Variants in TRAPPC8 observed in about 807,000 individuals in gnomAD.
The protein encoded by TRAPPC8 is general sporulation gene 1 homolog.
TRAPPC8 carries 54 observed loss-of-function variants against 174.3 expected under a neutral mutation model. The ratio of observed to expected loss-of-function variants is 0.31; its 90% CI spans 0.25 to 0.39. TRAPPC8 has a LOEUF of 0.39. TRAPPC8 is among the 10% of genes least tolerant of loss of function. TRAPPC8 has a pLI of 1.00. For missense variants in TRAPPC8, 1,531 were observed against 1,699.1 expected (o/e 0.90, Z 1.74); for synonymous variants, 630 against 579.9 (o/e 1.09, Z -1.24).
chr18:31,858,968 CTGTGG>C (rs2034180577), intron 19 of TRAPPC8, among the ~76,000 whole-genome samples: 1 of 152,076 alleles, frequency 6.6e-6, no homozygotes. Flanking sequence ...AGCCGCACGC[CTGTGG>C]TTCCAGCTAC....
intron 11 of TRAPPC8, among the ~76,000 whole-genome samples, chr18:31,896,985 G>A (rs536148698): frequency 6.6e-6 from 1 of 152,264 alleles, no homozygotes; most frequent in African/African-American, 2.4e-5. Context: ...GAAAGGTCAG[G>A]GTTGAAGACA....
chr18:31,853,051 CTA>C (rs970493814), intron 22 of TRAPPC8, among the ~76,000 whole-genome samples: 3 of 152,170 alleles, frequency 2.0e-5, no homozygotes, highest in Non-Finnish European at 2.9e-5. Context: ...ACACACTCTG[CTA>C]TATGTTTTCC....
intron 19 of TRAPPC8, 112 bp downstream of exon 19, chr18:31,864,515 T>A (rs2034492930): frequency 1.0e-6 from 1 of 995,424 alleles, no homozygotes; most frequent in Non-Finnish European, 1.4e-6. Context: ...AATAATAATT[T>A]AAAAGTATAG....
At position 31,874,723 on chromosome 18, in the gene TRAPPC8, A is replaced by G; in HGVS notation, c.1729-19T>C. The G allele has an allele frequency of 2.5e-6, 4 of 1,602,704 alleles. No individual in the cohort carries two copies. Among genetic ancestry groups the G allele is most frequent in the Non-Finnish European group, 3.4e-6 (4 of 1,175,726 alleles). On this transcript the variant is annotated intron_variant, in intron 12 of 28. Coordinates refer to ENST00000283351, the MANE Select transcript of TRAPPC8 (RefSeq NM_014939.5). ...GCTTTTTCTGTAAGAAAATAAACAAAATAATGTATTATACTCCAAATTTGT... is the reference window on the plus strand; with the variant it reads ...GCTTTTTCTGTAAGAAAATAAACAAGATAATGTATTATACTCCAAATTTGT...
rs760498067 is a variant in TRAPPC8 at position 31,897,789 on chromosome 18, A to G, written c.1593T>C (p.Ser531=). Residue 531 remains serine, a synonymous_variant, in exon 11 of 29, where the codon AGT becomes AGC. Coordinates refer to ENST00000283351, the MANE Select transcript of TRAPPC8 (RefSeq NM_014939.5). ...EAAALLIRLT[S]EDSDLRSALL... ...AAATACTACACAGTTTCAGTACCTC[A>G]CTGGTCAACCGTATTAGGAGAGCTG... 1 of 1,593,138 alleles carries G rather than the reference A, an allele frequency of 6.3e-7. No homozygotes were observed. Among genetic ancestry groups the G allele is most frequent in the Admixed American group, 1.7e-5 (1 of 58,012 alleles).
chr18:31,917,200 T>C (rs1214605940), intron 3 of TRAPPC8, among the ~76,000 whole-genome samples: 3 of 152,080 alleles, frequency 2.0e-5, no homozygotes, highest in African/African-American at 7.2e-5. Flanking sequence ...TCCAAAATTA[T>C]TTTTCATGAG....
chr18:31,853,822 A>G, intron 22 of TRAPPC8, 27 bp downstream of exon 22: 1 of 1,550,500 alleles, frequency 6.4e-7, no homozygotes, highest in East Asian at 2.3e-5. Flanking sequence ...TTCAAAATTT[A>G]TTATGTAGCA....
chr18:31,839,519 AGCATAGTGTATATATAC>A, intron 26 of TRAPPC8, 62 bp from the exon 27 acceptor site: 6 of 1,388,656 alleles, frequency 4.3e-6, no homozygotes, highest in African/African-American at 1.5e-5. Flanking sequence ...AAAAAAAAAA[AGCATAGTGTATATATAC>A]AAAAGTTAAA....
In TRAPPC8 at chr18:31,922,907, C is replaced by T. The variant is rs572706135; in HGVS notation, c.353-5240G>A. 2.6e-5 allele frequency among the ~76,000 whole-genome samples: 4 copies of T among 152,074 alleles called. No individual in the cohort carries two copies. The East Asian group carries it at 5.8e-4, about 22-fold the overall frequency. Reference sequence around the variant, plus strand: ...TAGCCCACACCTGTAGTCCCCGCTACTCGGGAGGCTGAGGTAGGAGGATCG... The same window carrying T: ...TAGCCCACACCTGTAGTCCCCGCTATTCGGGAGGCTGAGGTAGGAGGATCG... On this transcript the variant is annotated intron_variant, in intron 2 of 28. Coordinates refer to ENST00000283351, the MANE Select transcript of TRAPPC8 (RefSeq NM_014939.5).
rs1392122483 is a variant in TRAPPC8, at chr18:31,857,533, TACTA to T, written c.3188+3_3188+6del. The T allele has an allele frequency of 6.4e-7, 1 of 1,574,400 alleles. No homozygotes were observed. The highest frequency in any genetic ancestry group is 1.4e-5 in the African/African-American group (1 of 73,454). On this transcript the variant is annotated splice_donor_5th_base_variant and intron_variant, in intron 20 of 28. Transcript: ENST00000283351. ...ATGTTAAATTTTATAAGTTTTATAA[TACTA>T]ACCGTATTTTTGGCTGCTTTTTGAC...
At chr18:31,882,895 A>G (rs759752148) in intron 12 of TRAPPC8, among the ~76,000 whole-genome samples, 1 of 146,834 alleles carries the variant, frequency 6.8e-6, no homozygotes, top group Non-Finnish European at 1.5e-5. Flanking sequence ...GATTACACGC[A>G]TGAGCCACCA....
At chr18:31,837,923 G>A (rs1364600057) in intron 27 of TRAPPC8, among the ~76,000 whole-genome samples, 1 of 142,726 alleles carries the variant, frequency 7.0e-6, no homozygotes, top group Non-Finnish European at 1.5e-5. Context: ...AAAGATTACA[G>A]AGATAATCAT....
At position 31,855,603 on chromosome 18, in the gene TRAPPC8, AC is replaced by A. The variant is rs1215579398; in HGVS notation, c.3336+56del. ...AGGAAAACAAAAACCACTACTAAAC[AC>A]AAGGGAAACACTTCAAATATAATTA... On this transcript the variant is annotated intron_variant, in intron 21 of 28. Coordinates refer to ENST00000283351, the MANE Select transcript of TRAPPC8 (RefSeq NM_014939.5). 10 of 1,501,250 alleles carry A rather than the reference AC, an allele frequency of 6.7e-6. No homozygotes were observed. In the African/African-American group the frequency reaches 1.1e-4, roughly 17 times the overall value. The allele number at this position is 1,501,250 out of a possible 1,614,324, so 93.0% of individuals were successfully genotyped here. A position where few individuals can be genotyped will look rare whatever the true frequency, so the allele number is the denominator to read the frequency against.
intron 19 of TRAPPC8, among the ~76,000 whole-genome samples, chr18:31,861,350 G>T (rs2034311478): frequency 6.6e-6 from 1 of 152,074 alleles, no homozygotes; most frequent in South Asian, 2.1e-4. Context: ...TATGCAAGAA[G>T]CAAAGTTAAA....
At chr18:31,887,876 A>G (rs538116242) in intron 12 of TRAPPC8, among the ~76,000 whole-genome samples, 1 of 152,246 alleles carries the variant, frequency 6.6e-6, no homozygotes, top group African/African-American at 2.4e-5. Flanking sequence ...AAAGAAATAA[A>G]GGGTATTCAA....
rs1168527302 is a variant in TRAPPC8, at chr18:31,909,653, A to T, written c.865+14T>A. 1 of 1,586,994 alleles carries T rather than the reference A, an allele frequency of 6.3e-7. No homozygotes were observed. Among genetic ancestry groups the T allele is most frequent in the South Asian group, 1.2e-5 (1 of 85,552 alleles). On this transcript the variant is annotated intron_variant, in intron 6 of 28. Coordinates refer to ENST00000283351, the MANE Select transcript of TRAPPC8 (RefSeq NM_014939.5). Reference sequence around the variant, plus strand: ...TTCAATCAAAAGAGAAACTTAGAGAAAATATATCAAGACCTTTGACTTCGT... The same window carrying T: ...TTCAATCAAAAGAGAAACTTAGAGATAATATATCAAGACCTTTGACTTCGT...
At chr18:31,872,564 C>A (rs963455373) in intron 14 of TRAPPC8, among the ~76,000 whole-genome samples, 1 of 152,006 alleles carries the variant, frequency 6.6e-6, no homozygotes, top group African/African-American at 2.4e-5. Context: ...GGACTACAGG[C>A]GCATGCCACC....
rs185922432 is a variant in TRAPPC8, at chr18:31,933,617, A to G, written c.158-2094T>C. Among the ~76,000 whole-genome samples, 15 of 152,304 alleles carry G rather than the reference A, an allele frequency of 9.8e-5. No individual in the cohort carries two copies. In the East Asian group the frequency reaches 2.9e-3, roughly 29 times the overall value. On this transcript the variant is annotated intron_variant, in intron 1 of 28. Transcript: ENST00000283351. Reference sequence around the variant, plus strand: ...TATTTCACCTGCACCATGGGTTATTATCACATACAAATAAGAGGCAACTTT... The same window carrying G: ...TATTTCACCTGCACCATGGGTTATTGTCACATACAAATAAGAGGCAACTTT...
At chr18:31,908,617 G>T in intron 7 of TRAPPC8, 137 bp downstream of exon 7, 1 of 996,322 alleles carries the variant, frequency 1.0e-6, no homozygotes, top group Non-Finnish European at 1.4e-6. Context: ...TTTCATCATT[G>T]ATAGTAATTT....
Sources: gnomAD v4.1 joint callset for allele counts (sites outside exome capture counted in the v4.1 genomes callset) on GRCh38, gnomAD v4.1.1 for gene constraint, MANE v1.5 for transcripts, NCBI Gene and HGNC (gene_info 2026-07-23, HGNC 2026-07-21) for gene names.